Variants in C4orf50 observed in about 807,000 individuals in gnomAD.
C4orf50 encodes the protein chromosome 4 open reading frame 50.
C4orf50 carries 80 observed loss-of-function variants against 77.2 expected under a neutral mutation model. That is an observed-to-expected ratio of 1.04 (90% confidence interval 0.87 to 1.25). C4orf50 has a LOEUF of 1.25. C4orf50 is among the 50% of genes most tolerant of loss of function. C4orf50 has a pLI of 0.00. For missense variants in C4orf50, 1,257 were observed against 1,152.9 expected (o/e 1.09, Z -1.31); for synonymous variants, 532 against 465.3 (o/e 1.14, Z -1.84).
At chr4:5,989,990 T>C (rs1721163601) in exon 28 of C4orf50, 1 of 1,406,782 alleles carries the variant, frequency 7.1e-7, no homozygotes. Context: ...AGGAGCTGAC[T>C]GTCTGTTGGC....
exon 26 of C4orf50, chr4:5,994,451 T>C (rs1721466700): frequency 2.5e-6 from 1 of 398,996 alleles, no homozygotes; most frequent in Non-Finnish European, 4.4e-6. Context: ...GGGCAGTGAG[T>C]CACCCTGAAC....
At chr4:5,964,463 A>G (rs1307863179) in intron 33 of C4orf50, among the ~76,000 whole-genome samples, 3 of 152,148 alleles carry the variant, frequency 2.0e-5, no homozygotes, top group Non-Finnish European at 4.4e-5. Context: ...CATGATGTCC[A>G]GCATCCACTA....
In C4orf50 at chr4:6,018,345, G is replaced by A. The variant is rs751725555; in HGVS notation, c.87C>T (p.Asn29=). The A allele has an allele frequency of 1.3e-5, 5 of 398,832 alleles. No homozygotes were observed. The highest frequency in any genetic ancestry group is 2.1e-5 in the African/African-American group (1 of 48,576). The allele number at this position is 398,832 out of a possible 1,614,324, so 24.7% of individuals were successfully genotyped here. ...AGGATGTGTCAATCTTCACATCAACGTTCATTATGTCGAACCCCTCACTGC... is the reference window on the plus strand; with the variant it reads ...AGGATGTGTCAATCTTCACATCAACATTCATTATGTCGAACCCCTCACTGC... Residue 29 remains asparagine, a synonymous_variant, in exon 23 of 34, where the codon AAC becomes AAT. Coordinates refer to ENST00000531445, the Ensembl canonical transcript of C4orf50. This position sits in a 1 kb window ranked among gnomAD's most constrained non-coding sequence, Gnocchi z 5.1.
chr4:6,004,247 A>ATGATGG (rs370021210), intron 25 of C4orf50, among the ~76,000 whole-genome samples: 2 of 53,300 alleles, frequency 3.8e-5, no homozygotes, highest in Admixed American at 2.3e-4. Flanking sequence ...GATGATGGTG[A>ATGATGG]TGATGGTGAT....
At chr4:5,948,016 C>T (rs1203191735) in intron 7 of C4orf50, among the ~76,000 whole-genome samples, 1 of 152,190 alleles carries the variant, frequency 6.6e-6, no homozygotes, top group Non-Finnish European at 1.5e-5. Context: ...GTCAGTACCT[C>T]TACCTCCATG....
At chr4:5,946,122 T>C (rs1252004181) in intron 7 of C4orf50, among the ~76,000 whole-genome samples, 1 of 152,254 alleles carries the variant, frequency 6.6e-6, no homozygotes, top group Non-Finnish European at 1.5e-5. Context: ...CCCCGCCCTC[T>C]GAACCTAGGG....
Position 5,973,808 on chromosome 4 carries a change from C to A in C4orf50, c.3955G>T (p.Glu1319Ter). The A allele has an allele frequency of 6.2e-7, 1 of 1,613,208 alleles. No homozygotes were observed. The highest frequency in any genetic ancestry group is 1.1e-5 in the South Asian group (1 of 91,028). ...AGGTGGGTGATCAGGCGGTTCCTCTCCCGGCACTTCCGGACGAGGGAAGCT... is the reference window on the plus strand; with the variant it reads ...AGGTGGGTGATCAGGCGGTTCCTCTACCGGCACTTCCGGACGAGGGAAGCT... Residue 1319 changes from glutamate (E) to a stop codon, truncating the protein, a stop_gained, in exon 31 of 34, where the codon GAG becomes TAG. Coordinates refer to ENST00000531445, the Ensembl canonical transcript of C4orf50. LOFTEE classifies it high-confidence loss of function.
chr4:5,928,862 A>G (rs915691953), intron 7 of C4orf50, among the ~76,000 whole-genome samples: 2 of 152,190 alleles, frequency 1.3e-5, no homozygotes, highest in Non-Finnish European at 2.9e-5. Context: ...AAATAAGTCA[A>G]CCTTCCCAGT....
Position 6,011,935 on chromosome 4 carries a change from G to C in C4orf50, c.321C>G (p.Leu107=), listed in dbSNP as rs142642708. The C allele has an allele frequency of 5.8e-5, 23 of 399,084 alleles. No individual in the cohort carries two copies. The East Asian group carries it at 8.2e-4, about 14-fold the overall frequency. 24.7% of individuals were successfully genotyped at this position (399,084 alleles called of 1,614,324 possible). The change falls in exon 24 of 34, where the codon CTC becomes CTG. Residue 107 remains leucine (L), a synonymous_variant. Coordinates refer to ENST00000531445, the Ensembl canonical transcript of C4orf50. The surrounding 1 kb of genome is among the most constrained non-coding windows in gnomAD (Gnocchi z 4.2). The stretch of plus-strand genomic sequence containing the variant: ...TGCTCAGCTGGTCCACCTTCCGGAG[G>C]AGTTTCCTTTCTGACAGCTCCAGCT...
chr4:5,957,035 G>A (rs1348358757), downstream of C4orf50: 1 of 152,276 alleles, frequency 6.6e-6, no homozygotes, highest in East Asian at 1.9e-4. Context: ...GCCCCAGGGA[G>A]CCACGGCACA....
At chr4:5,979,688 C>T (rs759914603) in intron 29 of C4orf50, among the ~76,000 whole-genome samples, 16 of 152,198 alleles carry the variant, frequency 1.1e-4, no homozygotes, top group Admixed American at 4.6e-4. Flanking sequence ...ACATTTTGCC[C>T]GGTTTCCCCC....
At chr4:5,969,944 G>A (rs1037197336) in intron 31 of C4orf50, among the ~76,000 whole-genome samples, 7 of 152,084 alleles carry the variant, frequency 4.6e-5, no homozygotes, top group Non-Finnish European at 8.8e-5. Context: ...CCTAGGGGTG[G>A]GCAGGAGAGC....
intron 7 of C4orf50, among the ~76,000 whole-genome samples, chr4:5,944,087 A>G (rs1718383098): frequency 6.6e-6 from 1 of 152,200 alleles, no homozygotes; most frequent in Non-Finnish European, 1.5e-5. Flanking sequence ...ACAGAGACAA[A>G]TAGACACACA....
exon 28 of C4orf50, chr4:5,989,621 C>A (rs1721135005): frequency 1.3e-6 from 2 of 1,536,124 alleles, no homozygotes; most frequent in Non-Finnish European, 8.7e-7. Context: ...GCCTCCACGT[C>A]CTGTGCAAGC....
At chr4:5,937,227 C>T (rs1198269757) in intron 7 of C4orf50, among the ~76,000 whole-genome samples, 1 of 151,954 alleles carries the variant, frequency 6.6e-6, no homozygotes, top group African/African-American at 2.4e-5. Context: ...ATAATAGTGG[C>T]TCATGTGAAA....
In C4orf50 at chr4:6,007,685, TG is replaced by T. The variant is rs1348116658; in HGVS notation, c.963+310del. Among the ~76,000 whole-genome samples, 1 of 151,850 alleles carries T rather than the reference TG, an allele frequency of 6.6e-6. No individual in the cohort carries two copies. Among genetic ancestry groups the T allele is most frequent in the African/African-American group, 2.4e-5 (1 of 41,316 alleles). ...GAATGGCAAAATGATGGTGGGTAGG[TG>T]GGCGAGTGGTTGGATAGGTAGATGG... On this transcript the variant is annotated intron_variant, in intron 25 of 33. Transcript: ENST00000531445. This position sits in a 1 kb window ranked among gnomAD's most constrained non-coding sequence, Gnocchi z 4.1.
Position 5,932,002 on chromosome 4 carries a change from G to A in C4orf50, c.*2474+24899C>T, listed in dbSNP as rs1717789359. On this transcript the variant is annotated intron_variant, in intron 7 of 7. Transcript: ENST00000324058. This position sits in a 1 kb window ranked among gnomAD's most constrained non-coding sequence, Gnocchi z 4.2. ...GCAATGTCACCAGCTCAGTATTTAC[G>A]GAGAGTTGTCACCTGACCCCAAAAT... Among the ~76,000 whole-genome samples, 2 of 152,150 alleles carry A rather than the reference G, an allele frequency of 1.3e-5. No individual in the cohort carries two copies. The highest frequency in any genetic ancestry group is 2.1e-4 in the South Asian group (1 of 4,818).
intron 7 of C4orf50, among the ~76,000 whole-genome samples, chr4:5,944,346 A>C (rs1052568561): frequency 6.6e-6 from 1 of 151,720 alleles, no homozygotes; most frequent in Non-Finnish European, 1.5e-5. Context: ...ACGGCTCATG[A>C]CTCTGTCTCA....
chr4:5,936,535 C>T (rs1718022191), intron 7 of C4orf50, among the ~76,000 whole-genome samples: 1 of 119,758 alleles, frequency 8.4e-6, no homozygotes, highest in Non-Finnish European at 1.6e-5. Context: ...GCACTCCAGC[C>T]TGGGCAACAA....
Sources: allele counts gnomAD v4.1 joint callset (sites outside exome capture counted in the v4.1 genomes callset), GRCh38; gene constraint gnomAD v4.1.1; non-coding constraint Gnocchi (gnomAD v3.1); transcripts MANE v1.5; gene names NCBI Gene and HGNC (gene_info 2026-07-23, HGNC 2026-07-21).